The following NKAIN2 variants were observed in gnomAD, a reference collection of about 807,000 sequenced individuals.
NKAIN2 encodes sodium/potassium transporting ATPase interacting 2.
In NKAIN2, 14 loss-of-function variants were observed where a neutral mutation model predicts 32.6. The observed-to-expected ratio is 0.43, with a 90% CI of 0.28 to 0.67. The LOEUF (loss-of-function observed/expected upper bound fraction) is 0.67, where lower values mean the gene tolerates loss of function less well. Among genes scored for constraint, NKAIN2 ranks in the 30% least tolerant of loss-of-function variants. The probability of loss-of-function intolerance (pLI) is 0.17; values close to 1 mark genes in which losing one functional copy is unlikely to be tolerated. For missense variants in NKAIN2, 198 were observed against 258.3 expected, an observed-to-expected ratio of 0.77 and a Z score of 1.60; for synonymous variants, 80 against 87.2, an observed-to-expected ratio of 0.92 and a Z score of 0.46.
At chr6:124,815,671 A>T (rs1279673763) in intron 5 of NKAIN2, among the ~76,000 whole-genome samples, 1 of 144,140 alleles carries the variant, frequency 6.9e-6, no homozygotes, top group Non-Finnish European at 1.6e-5. Context: ...GTAGAAGACA[A>T]AAGAGGCAAT....
chr6:124,466,716 A>C (rs1346010286), intron 3 of NKAIN2, among the ~76,000 whole-genome samples: 1 of 150,776 alleles, frequency 6.6e-6, no homozygotes, highest in East Asian at 2.0e-4. Flanking sequence ...TATGGAGTCA[A>C]AAAGAGAATT....
chr6:123,850,239 C>T (rs1775275408), intron 1 of NKAIN2, among the ~76,000 whole-genome samples: 1 of 151,042 alleles, frequency 6.6e-6, no homozygotes, highest in South Asian at 2.1e-4. Context: ...TTGAGGAACC[C>T]CAAATTAGCT....
At chr6:123,947,688 G>A (rs1228511921) in intron 1 of NKAIN2, among the ~76,000 whole-genome samples, 2 of 152,086 alleles carry the variant, frequency 1.3e-5, no homozygotes, top group African/African-American at 2.4e-5. Context: ...TGCATAGACT[G>A]TGCAGTGATT....
intron 3 of NKAIN2, among the ~76,000 whole-genome samples, chr6:124,640,584 T>C (rs541164558): frequency 6.6e-6 from 1 of 152,228 alleles, no homozygotes; most frequent in East Asian, 1.9e-4. Flanking sequence ...ATTCAGTACA[T>C]TGGAAACTAT....
intron 3 of NKAIN2, among the ~76,000 whole-genome samples, chr6:124,578,646 C>T (rs1468316880): frequency 3.3e-5 from 5 of 152,052 alleles, no homozygotes; most frequent in African/African-American, 9.7e-5. Context: ...AGGGGCAACT[C>T]ATCACCCTGA....
At chr6:124,474,951 CAT>C (rs199750380) in intron 3 of NKAIN2, among the ~76,000 whole-genome samples, 260 of 139,372 alleles carry the variant, frequency 1.9e-3, no homozygotes, top group African/African-American at 6.1e-3. Flanking sequence ...ATCATATATA[CAT>C]ATATATATAA....
At chr6:124,700,744 TA>T (rs916010451) in intron 4 of NKAIN2, among the ~76,000 whole-genome samples, 4 of 151,904 alleles carry the variant, frequency 2.6e-5, no homozygotes, top group Admixed American at 6.6e-5. Flanking sequence ...AAAATACACC[TA>T]AAAAAATTGA....
chr6:124,083,182 AT>A (rs1191823966), intron 1 of NKAIN2, among the ~76,000 whole-genome samples: 1 of 151,872 alleles, frequency 6.6e-6, no homozygotes, highest in Non-Finnish European at 1.5e-5. Context: ...TAAAATTCAG[AT>A]TTTTTTATTA....
intron 3 of NKAIN2, among the ~76,000 whole-genome samples, chr6:124,397,650 A>G (rs1773442579): frequency 6.6e-6 from 1 of 152,198 alleles, no homozygotes; most frequent in Non-Finnish European, 1.5e-5. Context: ...AATTTAAAAA[A>G]AAACTGTTTA....
At chr6:124,423,859 C>T (rs1774861523) in intron 3 of NKAIN2, among the ~76,000 whole-genome samples, 1 of 152,230 alleles carries the variant, frequency 6.6e-6, no homozygotes, top group Admixed American at 6.5e-5. Context: ...CTTTCCTGTC[C>T]TAGCCTTTAA....
At chr6:123,883,186 C>A (rs963890302) in intron 1 of NKAIN2, among the ~76,000 whole-genome samples, 6 of 152,116 alleles carry the variant, frequency 3.9e-5, no homozygotes, top group African/African-American at 1.2e-4. Flanking sequence ...GCTCTGTCGC[C>A]CAGGCTGGAG....
intron 3 of NKAIN2, among the ~76,000 whole-genome samples, chr6:124,624,254 G>C (rs1257043184): frequency 6.6e-6 from 1 of 152,146 alleles, no homozygotes; most frequent in Non-Finnish European, 1.5e-5. Flanking sequence ...AGGGCATTTT[G>C]CTTGAATAAT....
chr6:123,999,941 CAT>C (rs3039618), intron 1 of NKAIN2, among the ~76,000 whole-genome samples: 4,656 of 151,906 alleles, frequency 0.031, 256 homozygotes, highest in African/African-American at 0.11. Flanking sequence ...ATCAGTGTCT[CAT>C]ATATTCATTA....
intron 1 of NKAIN2, among the ~76,000 whole-genome samples, chr6:124,159,896 G>A (rs1788186625): frequency 6.6e-6 from 1 of 152,118 alleles, no homozygotes; most frequent in African/African-American, 2.4e-5. Context: ...ACTAAATGAA[G>A]GCCTTGGTGA....
At chr6:124,683,302 T>C (rs1255556123) in intron 4 of NKAIN2, among the ~76,000 whole-genome samples, 1 of 152,176 alleles carries the variant, frequency 6.6e-6, no homozygotes, top group Non-Finnish European at 1.5e-5. Flanking sequence ...GATAAGTCTA[T>C]GTGATGCCAT....
chr6:124,493,384 G>A (rs1376924562), intron 3 of NKAIN2, among the ~76,000 whole-genome samples: 4 of 151,926 alleles, frequency 2.6e-5, no homozygotes, highest in Non-Finnish European at 2.9e-5. Context: ...CATTATCTCA[G>A]TTGGGAAATA....
chr6:124,459,476 T>C (rs1343264234), intron 3 of NKAIN2, among the ~76,000 whole-genome samples: 1 of 151,906 alleles, frequency 6.6e-6, no homozygotes, highest in Non-Finnish European at 1.5e-5. Flanking sequence ...CTGTCATGAA[T>C]ATAAGCTGAG....
intron 3 of NKAIN2, among the ~76,000 whole-genome samples, chr6:124,551,245 C>A (rs1780276233): frequency 6.6e-6 from 1 of 152,126 alleles, no homozygotes; most frequent in South Asian, 2.1e-4. Context: ...CATTATTAGT[C>A]TATTGTCATA....
chr6:124,455,748 G>A (rs1339701755), intron 3 of NKAIN2, among the ~76,000 whole-genome samples: 1 of 151,744 alleles, frequency 6.6e-6, no homozygotes. Context: ...GTATTCTTTG[G>A]ACATTTGCAT....
Sources: gnomAD v4.1 joint callset for allele counts (sites outside exome capture counted in the v4.1 genomes callset) on GRCh38, gnomAD v4.1.1 for gene constraint, MANE v1.5 for transcripts, NCBI Gene and HGNC (gene_info 2026-07-23, HGNC 2026-07-21) for gene names.